Variants in NALF1 observed in about 807,000 individuals in gnomAD.
NALF1 encodes NALCN channel auxiliary factor 1.
NALF1 carries 3 observed loss-of-function variants against 48.4 expected under a neutral mutation model. The ratio of observed to expected loss-of-function variants is 0.06; its 90% CI spans 0.03 to 0.16. The LOEUF (loss-of-function observed/expected upper bound fraction) is 0.16. NALF1 is among the 10% of genes least tolerant of loss of function. NALF1 has a pLI of 1.00. For missense variants in NALF1, 526 were observed against 571.5 expected, an observed-to-expected ratio of 0.92 and a Z score of 0.81; for synonymous variants, 262 against 245.7, an observed-to-expected ratio of 1.07 and a Z score of -0.62.
intron 1 of NALF1, among the ~76,000 whole-genome samples, chr13:107,266,141 G>A (rs1048482273): frequency 1.3e-5 from 2 of 152,262 alleles, no homozygotes; most frequent in South Asian, 2.1e-4. Flanking sequence ...CTGCATAAGC[G>A]AGCTGAAAAG....
intron 1 of NALF1, among the ~76,000 whole-genome samples, chr13:107,618,381 C>A (rs986476354): frequency 6.6e-6 from 1 of 152,082 alleles, no homozygotes; most frequent in Non-Finnish European, 1.5e-5. Flanking sequence ...GGAGATGGGG[C>A]TAGAATATTG....
chr13:107,251,949 A>G (rs1880708689), intron 1 of NALF1, among the ~76,000 whole-genome samples: 1 of 152,178 alleles, frequency 6.6e-6, no homozygotes, highest in South Asian at 2.1e-4. Context: ...AGGGTGTCTG[A>G]GTCTGCCTAC....
chr13:107,164,243 A>G lies in NALF1; in HGVS notation c.*6254T>C, dbSNP rs891456998. 6.6e-6 allele frequency: 1 copy of G among 152,144 alleles called. No individual in the cohort carries two copies. Among genetic ancestry groups the G allele is most frequent in the Non-Finnish European group, 1.5e-5 (1 of 68,030 alleles). 9.4% of individuals were successfully genotyped at this position (152,144 alleles called of 1,614,324 possible). On this transcript the variant is annotated 3_prime_UTR_variant, in exon 3 of 3. Coordinates refer to ENST00000375915, the MANE Select transcript of NALF1 (RefSeq NM_001080396.3). ...CACTGATTCTATGCAACTCTCACCT[A>G]CCTAAATAGATACAAATCAATGAAA...
At chr13:107,794,925 G>C (rs1003614730) in intron 1 of NALF1, among the ~76,000 whole-genome samples, 5 of 152,216 alleles carry the variant, frequency 3.3e-5, no homozygotes, top group African/African-American at 1.2e-4. Flanking sequence ...TAACATTGAA[G>C]AGATAAGAAA....
Position 107,865,879 on chromosome 13 carries a change from T to G in NALF1, c.718A>C (p.Ser240Arg). ...AGACTGCAGTTCAAAGTGTTGGGACTGGACAACCCCGAGAACAACTCCCAA... is the reference window on the plus strand; with the variant it reads ...AGACTGCAGTTCAAAGTGTTGGGACGGGACAACCCCGAGAACAACTCCCAA... ...TLWELFSGLS[S>R]PNTLNCSLDV... Residue 240 changes from serine to arginine, a missense_variant, in exon 1 of 3, where the codon AGT (serine) becomes CGT (arginine). By Grantham distance (110) the Ser-to-Arg change is moderately radical. Coordinates refer to ENST00000375915, the MANE Select transcript of NALF1 (RefSeq NM_001080396.3). The G allele has an allele frequency of 6.2e-7, 1 of 1,614,084 alleles. No homozygotes were observed. The highest frequency in any genetic ancestry group is 1.1e-5 in the South Asian group (1 of 91,060).
intron 1 of NALF1, among the ~76,000 whole-genome samples, chr13:107,242,994 C>T (rs1260861769): frequency 6.6e-6 from 1 of 152,164 alleles, no homozygotes; most frequent in Non-Finnish European, 1.5e-5. Context: ...CTCTCAGCCA[C>T]CCACTTTTAT....
At position 107,619,710 on chromosome 13, in the gene NALF1, A is replaced by G. The variant is rs112501904; in HGVS notation, c.915+245972T>C. On this transcript the variant is annotated intron_variant, in intron 1 of 2. Transcript: ENST00000375915. Reference sequence around the variant, plus strand: ...GAGGTACTTAGAAATCATCAAGCCTATGACTTGAAAGAAGTTGAGTGACTC... The same window carrying G: ...GAGGTACTTAGAAATCATCAAGCCTGTGACTTGAAAGAAGTTGAGTGACTC... Among the ~76,000 whole-genome samples, 203 of 152,310 alleles carry G rather than the reference A, an allele frequency of 1.3e-3. 1 individual carries two copies. Among genetic ancestry groups the G allele is most frequent in the African/African-American group, 4.3e-3 (179 of 41,564 alleles).
chr13:107,535,429 A>G (rs1001583355), intron 1 of NALF1, among the ~76,000 whole-genome samples: 1 of 152,040 alleles, frequency 6.6e-6, no homozygotes, highest in Non-Finnish European at 1.5e-5. Context: ...TTATACACCA[A>G]TAACAGACAA....
At chr13:107,594,724 T>G (rs1234565900) in intron 1 of NALF1, among the ~76,000 whole-genome samples, 1 of 152,064 alleles carries the variant, frequency 6.6e-6, no homozygotes, top group Non-Finnish European at 1.5e-5. Flanking sequence ...CAAAATCAAC[T>G]GTGACAATTT....
chr13:107,377,193 C>G (rs1422230288), intron 1 of NALF1, among the ~76,000 whole-genome samples: 1 of 152,176 alleles, frequency 6.6e-6, no homozygotes, highest in East Asian at 1.9e-4. Flanking sequence ...CTCCTTAGGA[C>G]CCGGTGCTGA....
At chr13:107,429,792 G>A (rs1391013196) in intron 1 of NALF1, among the ~76,000 whole-genome samples, 1 of 152,114 alleles carries the variant, frequency 6.6e-6, no homozygotes, top group Non-Finnish European at 1.5e-5. Flanking sequence ...AAGGATAAAT[G>A]CAAAGATCTG....
At chr13:107,283,402 A>G (rs1215576361) in intron 1 of NALF1, among the ~76,000 whole-genome samples, 1 of 151,970 alleles carries the variant, frequency 6.6e-6, no homozygotes, top group East Asian at 1.9e-4. Context: ...CTTTATCATA[A>G]CTCTCAAAAA....
chr13:107,802,028 G>A (rs1045339686), intron 1 of NALF1, among the ~76,000 whole-genome samples: 1 of 152,170 alleles, frequency 6.6e-6, no homozygotes, highest in African/African-American at 2.4e-5. Context: ...AGAAACGTGT[G>A]AAACCTGTTC....
chr13:107,633,542 C>A (rs1879887636), intron 1 of NALF1, among the ~76,000 whole-genome samples: 1 of 151,834 alleles, frequency 6.6e-6, no homozygotes, highest in South Asian at 2.1e-4. Flanking sequence ...AAGTTATTTA[C>A]CTCCTACTCT....
intron 1 of NALF1, among the ~76,000 whole-genome samples, chr13:107,777,488 C>T (rs1438397750): frequency 6.6e-6 from 1 of 152,190 alleles, no homozygotes; most frequent in East Asian, 1.9e-4. Context: ...TGGCTTGCTG[C>T]TCTCTTTATG....
chr13:107,658,879 T>A (rs1477648717), intron 1 of NALF1, among the ~76,000 whole-genome samples: 2 of 152,076 alleles, frequency 1.3e-5, no homozygotes, highest in East Asian at 3.9e-4. Context: ...GCCCTTCCCC[T>A]ACTCAGATTG....
At chr13:107,377,730 C>T (rs996517884) in intron 1 of NALF1, among the ~76,000 whole-genome samples, 1 of 152,212 alleles carries the variant, frequency 6.6e-6, no homozygotes. Flanking sequence ...ATTCATGTCC[C>T]TGGGTCCTGC....
rs1879470569 is a variant in NALF1 at position 107,619,612 on chromosome 13, G to T, written c.915+246070C>A. Among the ~76,000 whole-genome samples, 5 of 152,216 alleles carry T rather than the reference G, an allele frequency of 3.3e-5. No individual in the cohort carries two copies. In the South Asian group the frequency reaches 1.0e-3, roughly 32 times the overall value. On this transcript the variant is annotated intron_variant, in intron 1 of 2. Coordinates refer to ENST00000375915, the MANE Select transcript of NALF1 (RefSeq NM_001080396.3). ...GCAATCTGTTGCAAACCTCAAATTT[G>T]TAAAGACTGTAAAAAGCATCAATCA...
chr13:107,818,763 T>C (rs890772518), intron 1 of NALF1, among the ~76,000 whole-genome samples: 1 of 140,282 alleles, frequency 7.1e-6, no homozygotes, highest in African/African-American at 2.9e-5. Context: ...TCCCAGCTAC[T>C]CGGGAGGCTG....
Sources: allele counts gnomAD v4.1 joint callset (sites outside exome capture counted in the v4.1 genomes callset), GRCh38; gene constraint gnomAD v4.1.1; transcripts MANE v1.5; gene names NCBI Gene and HGNC (gene_info 2026-07-23, HGNC 2026-07-21).